Variants in GRID2 observed in about 807,000 individuals in gnomAD.
The protein encoded by GRID2 is glutamate receptor ionotropic, delta-2.
In GRID2, 33 loss-of-function variants were observed where a neutral mutation model predicts 114.8. The observed-to-expected ratio is 0.29, with a 90% CI of 0.22 to 0.38. The LOEUF is 0.38. GRID2 is among the 10% of genes least tolerant of loss of function. The pLI is 1.00. For missense variants in GRID2, 1,184 were observed against 1,257.7 expected (o/e 0.94, Z 0.89); for synonymous variants, 505 against 449.9 (o/e 1.12, Z -1.55).
chr4:92,567,883 A>C (rs531119971), intron 1 of GRID2, among the ~76,000 whole-genome samples: 1 of 152,180 alleles, frequency 6.6e-6, no homozygotes, highest in African/African-American at 2.4e-5. Flanking sequence ...GAGTTAACAC[A>C]GCAAACAAAA....
At chr4:92,482,187 C>A (rs1722648861) in intron 1 of GRID2, among the ~76,000 whole-genome samples, 4 of 150,882 alleles carry the variant, frequency 2.7e-5, no homozygotes, top group Admixed American at 2.0e-4. Context: ...GAGCTGAAGG[C>A]AATAATCCTA....
At chr4:93,051,401 G>T (rs1238664865) in intron 2 of GRID2, among the ~76,000 whole-genome samples, 1 of 151,960 alleles carries the variant, frequency 6.6e-6, no homozygotes, top group Non-Finnish European at 1.5e-5. Context: ...GTCCCCCTTT[G>T]CCAAGAGGCA....
intron 2 of GRID2, among the ~76,000 whole-genome samples, chr4:92,740,638 T>A (rs1736825890): frequency 6.6e-6 from 1 of 152,142 alleles, no homozygotes; most frequent in African/African-American, 2.4e-5. Context: ...CTAAATTTTC[T>A]CACTCATAAT....
intron 12 of GRID2, among the ~76,000 whole-genome samples, chr4:93,498,348 T>C (rs1427678543): frequency 6.6e-6 from 1 of 151,834 alleles, no homozygotes; most frequent in African/African-American, 2.4e-5. Flanking sequence ...TATAAGGAAC[T>C]AATCCCAGCC....
chr4:92,369,161 A>T (rs1729004266), intron 1 of GRID2, among the ~76,000 whole-genome samples: 1 of 152,100 alleles, frequency 6.6e-6, no homozygotes. Context: ...TAAATATATG[A>T]AATATATTAT....
chr4:93,092,847 C>A (rs1414223101), intron 3 of GRID2, among the ~76,000 whole-genome samples: 1 of 151,840 alleles, frequency 6.6e-6, no homozygotes, highest in Non-Finnish European at 1.5e-5. Flanking sequence ...TATACATACA[C>A]ACACAAACAC....
chr4:93,123,427 A>G (rs1733976230), intron 4 of GRID2, among the ~76,000 whole-genome samples: 2 of 152,200 alleles, frequency 1.3e-5, no homozygotes, highest in Non-Finnish European at 2.9e-5. Context: ...GAAAATTGAA[A>G]TCCTTCTCTA....
chr4:93,625,750 C>T (rs1303605460), intron 13 of GRID2, among the ~76,000 whole-genome samples: 1 of 152,032 alleles, frequency 6.6e-6, no homozygotes, highest in Non-Finnish European at 1.5e-5. Flanking sequence ...CCCAGCTCTA[C>T]TAAAAATACA....
At position 93,591,967 on chromosome 4, in the gene GRID2, C is replaced by G. The variant is rs183879196; in HGVS notation, c.2194-34302C>G. Among the ~76,000 whole-genome samples, 1,112 of 152,088 alleles carry G rather than the reference C, an allele frequency of 7.3e-3. 4 individuals carry two copies. Among genetic ancestry groups the G allele is most frequent in the Middle Eastern group, 0.02 (6 of 294 alleles). On this transcript the variant is annotated intron_variant, in intron 13 of 15. Coordinates refer to ENST00000282020, the MANE Select transcript of GRID2 (RefSeq NM_001510.4). ...TCTCTTTTTTTCTTTATTAGTCTTGCTAGTGCTCTATCAATTTTGTTGATC... is the reference window on the plus strand; with the variant it reads ...TCTCTTTTTTTCTTTATTAGTCTTGGTAGTGCTCTATCAATTTTGTTGATC...
chr4:92,344,748 G>A (rs1727681456), intron 1 of GRID2, among the ~76,000 whole-genome samples: 1 of 152,136 alleles, frequency 6.6e-6, no homozygotes, highest in African/African-American at 2.4e-5. Context: ...GAGGTCTCAG[G>A]TGAATGTCCC....
intron 2 of GRID2, among the ~76,000 whole-genome samples, chr4:92,886,387 A>G (rs143696617): frequency 7.2e-5 from 11 of 152,284 alleles, no homozygotes; most frequent in African/African-American, 1.4e-4. Flanking sequence ...GATGCTGGAA[A>G]AATGGGCACA....
At chr4:92,802,526 A>G (rs942171692) in intron 2 of GRID2, among the ~76,000 whole-genome samples, 1 of 151,846 alleles carries the variant, frequency 6.6e-6, no homozygotes, top group Non-Finnish European at 1.5e-5. Flanking sequence ...ATATATCATA[A>G]TCATTGTTGC....
At chr4:93,731,131 C>T (rs1320565924) in intron 14 of GRID2, among the ~76,000 whole-genome samples, 3 of 152,180 alleles carry the variant, frequency 2.0e-5, no homozygotes, top group Non-Finnish European at 2.9e-5. Flanking sequence ...ATGCCTACCT[C>T]GTGATTTGTA....
intron 13 of GRID2, among the ~76,000 whole-genome samples, chr4:93,530,476 C>T (rs1560719418): frequency 6.6e-6 from 1 of 152,104 alleles, no homozygotes; most frequent in Non-Finnish European, 1.5e-5. Flanking sequence ...TCTTACATAT[C>T]AGGTATTGCT....
At chr4:92,694,750 G>T (rs192411283) in intron 2 of GRID2, among the ~76,000 whole-genome samples, 1 of 152,076 alleles carries the variant, frequency 6.6e-6, no homozygotes, top group Non-Finnish European at 1.5e-5. Flanking sequence ...TGTGAAACTT[G>T]TGCATATCTT....
At chr4:92,477,751 A>C (rs1722387768) in intron 1 of GRID2, among the ~76,000 whole-genome samples, 1 of 147,960 alleles carries the variant, frequency 6.8e-6, no homozygotes, top group Non-Finnish European at 1.5e-5. Flanking sequence ...ATATGTTTAT[A>C]TATTTATATA....
At chr4:92,446,766 T>C (rs546338955) in intron 1 of GRID2, among the ~76,000 whole-genome samples, 3 of 152,360 alleles carry the variant, frequency 2.0e-5, no homozygotes, top group Admixed American at 2.0e-4. Flanking sequence ...TGCAACACCT[T>C]GCATAGATTG....
chr4:93,447,325 T>C (rs1722182037), intron 10 of GRID2, among the ~76,000 whole-genome samples: 1 of 151,990 alleles, frequency 6.6e-6, no homozygotes, highest in Non-Finnish European at 1.5e-5. Context: ...AAGCTTGAGT[T>C]AAAATGCATT....
At chr4:92,465,495 G>A (rs1265621205) in intron 1 of GRID2, among the ~76,000 whole-genome samples, 1 of 151,928 alleles carries the variant, frequency 6.6e-6, no homozygotes, top group Non-Finnish European at 1.5e-5. Context: ...TTTATATAGA[G>A]CTATAATTCA....
Sources: gnomAD v4.1 joint callset for allele counts (sites outside exome capture counted in the v4.1 genomes callset) on GRCh38, gnomAD v4.1.1 for gene constraint, MANE v1.5 for transcripts, NCBI Gene and HGNC (gene_info 2026-07-23, HGNC 2026-07-21) for gene names.